The following SLITRK4 variants were observed in gnomAD, a reference collection of about 807,000 sequenced individuals.
SLITRK4 encodes the protein SLIT and NTRK like family member 4, also known as SLIT and NTRK-like protein 4.
In SLITRK4, 7 loss-of-function variants were observed where a neutral mutation model predicts 34.7. That is an observed-to-expected ratio of 0.20 (90% CI 0.11 to 0.38). SLITRK4 has a LOEUF of 0.38. Among genes scored for constraint, SLITRK4 ranks in the 10% least tolerant of loss-of-function variants. The probability of loss-of-function intolerance (pLI) is 1.00; values close to 1 mark genes in which losing one functional copy is unlikely to be tolerated. For missense variants in SLITRK4, 474 were observed against 607.0 expected (o/e 0.78, Z 2.30); for synonymous variants, 237 against 246.2 (o/e 0.96, Z 0.35).
Position 143,630,289 on chromosome X carries a change from T to G in SLITRK4, c.820A>C (p.Ile274Leu). 8.3e-7 allele frequency: 1 copy of G among 1,211,967 alleles called. No individual in the cohort carries two copies. Among genetic ancestry groups the G allele is most frequent in the Non-Finnish European group, 1.1e-6 (1 of 895,579 alleles). ...TTTTCCAGCTGAGATGGAGGCAGGATGCGCACGTCAAAATCACTGCCGGTG... is the reference window on the plus strand; with the variant it reads ...TTTTCCAGCTGAGATGGAGGCAGGAGGCGCACGTCAAAATCACTGCCGGTG... ...MGTGSDFDVR[I>L]LPPSQLENGY... Residue 274 changes from isoleucine (I) to leucine (L), a missense_variant, in exon 2 of 2, where the codon ATC becomes CTC. Ile to Leu is a conservative substitution (Grantham distance 5, BLOSUM62 2). Transcript: ENST00000356928.
At position 143,629,696 on chromosome X, in the gene SLITRK4, G is replaced by A. The variant is rs782464856; in HGVS notation, c.1413C>T (p.Ser471=). 11 of 1,209,439 alleles carry A rather than the reference G, an allele frequency of 9.1e-6. No homozygotes were observed. The African/African-American group carries it at 1.8e-4, about 19-fold the overall frequency. ...IKEISAGTFD[S]MPNLQLLYLN... ...AGTACAGTAACTGCAAATTTGGCATGGAGTCAAAGGTGCCTGCTGAGATTT... is the reference window on the plus strand; with the variant it reads ...AGTACAGTAACTGCAAATTTGGCATAGAGTCAAAGGTGCCTGCTGAGATTT... The change falls in exon 2 of 2, where the codon TCC becomes TCT. Residue 471 remains serine, a synonymous_variant. Coordinates refer to ENST00000356928, the MANE Select transcript of SLITRK4 (RefSeq NM_001184749.3).
Position 143,630,500 on chromosome X carries a change from G to A in SLITRK4, c.609C>T (p.Gly203=). 1 of 1,211,562 alleles carries A rather than the reference G, an allele frequency of 8.3e-7. No individual in the cohort carries two copies. The highest frequency in any genetic ancestry group is 1.8e-5 in the South Asian group (1 of 56,983). ...CTTCCAGTTGCAATTCAACGACACG[G>A]CCAATGTGTTCCAGAACCCCGATAT... ...LPYIGVLEHI[G]RVVELQLEDN... Residue 203 remains glycine (G), a synonymous_variant, in exon 2 of 2, where the codon GGC becomes GGT. Coordinates refer to ENST00000356928, the MANE Select transcript of SLITRK4 (RefSeq NM_001184749.3).
Position 143,629,927 on chromosome X carries a change from T to C in SLITRK4, c.1182A>G (p.Val394=), listed in dbSNP as rs1556427171. The C allele has an allele frequency of 8.3e-7, 1 of 1,212,007 alleles. No homozygotes were observed. Among genetic ancestry groups the C allele is most frequent in the Non-Finnish European group, 1.1e-6 (1 of 895,555 alleles). ...GTCCTTCAAAGTCAGTGAAGTCTGA[T>C]ACGTCCACATCCTTGATGCTATTGC... is the stretch of plus-strand genomic sequence containing the variant. The part of the protein sequence containing the change: ...VNGNSIKDVD[V]SDFTDFEGLD... Residue 394 remains valine (V), a synonymous_variant, in exon 2 of 2, where the codon GTA becomes GTG. Coordinates refer to ENST00000356928, the MANE Select transcript of SLITRK4 (RefSeq NM_001184749.3).
At position 143,629,861 on chromosome X, in the gene SLITRK4, A is replaced by C. The variant is rs781839773; in HGVS notation, c.1248T>G (p.Ile416Met). ...TGAGATTGTGAAATACGTCTCCCTT[A>C]ATCACTGTAATTTGATTGCTGCCTA... Reference protein sequence around the residue: ...LHLGSNQITVIKGDVFHNLTN... With the variant: ...LHLGSNQITVMKGDVFHNLTN... Residue 416 changes from isoleucine to methionine, a missense_variant, in exon 2 of 2, where the codon ATT becomes ATG. Transcript: ENST00000356928. The C allele has an allele frequency of 2.5e-6, 3 of 1,211,116 alleles. No homozygotes were observed. In the Admixed American group the frequency reaches 6.5e-5, roughly 26 times the overall value.
Position 143,633,770 on chromosome X carries a change from G to A in SLITRK4, c.-51+1965C>T, listed in dbSNP as rs374238989. Among the ~76,000 whole-genome samples the A allele has an allele frequency of 3.6e-5, 4 of 111,699 alleles. No individual in the cohort carries two copies. The East Asian group carries it at 8.7e-4, about 24-fold the overall frequency. ...GTGGAAGAGGTTCGCGGAGAGACCC[G>A]GCCATTGCCGCCCGGGTGCGCTACC... is the stretch of plus-strand genomic sequence containing the variant. On this transcript the variant is annotated intron_variant, in intron 1 of 1. Transcript: ENST00000356928.
chrX:143,627,280 T>G lies in SLITRK4; in HGVS notation c.*1315A>C, dbSNP rs1288832442. On this transcript the variant is annotated 3_prime_UTR_variant, in exon 2 of 2. Coordinates refer to ENST00000356928, the MANE Select transcript of SLITRK4 (RefSeq NM_001184749.3). Reference sequence around the variant, plus strand: ...ACCTTATTCATTATTTTTTAAATACTTGTAGCGAAAACTATTTGAATTAAG... The same window carrying G: ...ACCTTATTCATTATTTTTTAAATACGTGTAGCGAAAACTATTTGAATTAAG... 1 of 109,764 alleles carries G rather than the reference T, an allele frequency of 9.1e-6. No individual in the cohort carries two copies. The highest frequency in any genetic ancestry group is 3.3e-5 in the African/African-American group (1 of 30,228). 9.0% of individuals were successfully genotyped at this position (109,764 alleles called of 1,213,427 possible).
At chrX:143,631,191 G>T in intron 1 of SLITRK4, 33 bp from the exon 2 acceptor site, 1 of 777,087 alleles carries the variant, frequency 1.3e-6, no homozygotes, top group South Asian at 3.4e-5. Context: ...TTTTTCAATG[G>T]TCATTACTTG....
rs893158909 is a variant in SLITRK4, at chrX:143,627,657, G to A, written c.*938C>T. 6 of 110,869 alleles carry A rather than the reference G, an allele frequency of 5.4e-5. No homozygotes were observed. The highest frequency in any genetic ancestry group is 7.6e-5 in the Non-Finnish European group (4 of 52,892). The allele number at this position is 110,869 out of a possible 1,213,427, so 9.1% of individuals were successfully genotyped here. A position where few individuals can be genotyped will look rare whatever the true frequency, so the allele number is the denominator to read the frequency against. On this transcript the variant is annotated 3_prime_UTR_variant, in exon 2 of 2. Coordinates refer to ENST00000356928, the MANE Select transcript of SLITRK4 (RefSeq NM_001184749.3). ...TCAGGCATATTAAATACATATTAAG[G>A]AGTACATATTTTCCTATTTAGTATA...
chrX:143,629,937 T>C lies in SLITRK4; in HGVS notation c.1172A>G (p.Asp391Gly). The C allele has an allele frequency of 8.3e-7, 1 of 1,211,945 alleles. No homozygotes were observed. Among genetic ancestry groups the C allele is most frequent in the Non-Finnish European group, 1.1e-6 (1 of 895,545 alleles). ...KLHVNGNSIK[D>G]VDVSDFTDFE... is the part of the protein sequence containing the mutation. ...GTCAGTGAAGTCTGATACGTCCACA[T>C]CCTTGATGCTATTGCCATTGACGTG... Residue 391 changes from aspartate (D) to glycine (G), a missense_variant, in exon 2 of 2, where the codon GAT becomes GGT. By Grantham distance (94) the Asp-to-Gly change is moderately conservative. Around this residue, in one of 3 missense-constraint regions of SLITRK4, gnomAD observed 345 missense variants for 406.5 expected, o/e 0.85. Coordinates refer to ENST00000356928, the MANE Select transcript of SLITRK4 (RefSeq NM_001184749.3).
intron 1 of SLITRK4, among the ~76,000 whole-genome samples, chrX:143,635,531 G>GACAC (rs1569478848): frequency 3.1e-4 from 19 of 61,967 alleles, no homozygotes; most frequent in Admixed American, 3.0e-3. Context: ...CACACACACG[G>GACAC]GGCATTCCTT....
In SLITRK4 at chrX:143,630,611, C is replaced by A; in HGVS notation, c.498G>T (p.Leu166=). Residue 166 remains leucine (L), a synonymous_variant, in exon 2 of 2, where the codon CTG becomes CTT. Coordinates refer to ENST00000356928, the MANE Select transcript of SLITRK4 (RefSeq NM_001184749.3). The part of the protein sequence containing the change: ...KLKVLILNDN[L]ISFLPDNIFR... ...AAATATTATCAGGAAGGAATGAAAT[C>A]AGATTGTCATTAAGAATGAGAACTT... 8.3e-7 allele frequency: 1 copy of A among 1,211,208 alleles called. No individual in the cohort carries two copies. Among genetic ancestry groups the A allele is most frequent in the Non-Finnish European group, 1.1e-6 (1 of 895,089 alleles).
rs781927974 is a variant in SLITRK4 at position 143,629,546 on chromosome X, T to C, written c.1563A>G (p.Gln521=). Residue 521 remains glutamine (Q), a synonymous_variant, in exon 2 of 2, where the codon CAA becomes CAG. Coordinates refer to ENST00000356928, the MANE Select transcript of SLITRK4 (RefSeq NM_001184749.3). ...LPVSGVLDQL[Q]SLTQIDLEGN... ...CCTCCAAGTCAATCTGTGTAAGAGA[T>C]TGCAACTGATCAAGGACCCCGCTGA... The C allele has an allele frequency of 5.8e-6, 7 of 1,211,290 alleles. No individual in the cohort carries two copies. Among genetic ancestry groups the C allele is most frequent in the East Asian group, 3.0e-5 (1 of 33,790 alleles).
rs143940780 is a variant in SLITRK4, at chrX:143,630,578, G to A, written c.531C>T (p.Phe177=). ...GTATATCCAGATGGGTCAAAGATGCGAATCGGAAAATATTATCAGGAAGGA... is the reference window on the plus strand; with the variant it reads ...GTATATCCAGATGGGTCAAAGATGCAAATCGGAAAATATTATCAGGAAGGA... ...ISFLPDNIFR[F]ASLTHLDIRG... Residue 177 remains phenylalanine (F), a synonymous_variant, in exon 2 of 2, where the codon TTC becomes TTT. Coordinates refer to ENST00000356928, the MANE Select transcript of SLITRK4 (RefSeq NM_001184749.3). 3.5e-5 allele frequency: 42 copies of A among 1,209,440 alleles called. No individual in the cohort carries two copies. Among genetic ancestry groups the A allele is most frequent in the Non-Finnish European group, 4.2e-5 (38 of 895,097 alleles).
chrX:143,635,150 A>ACC (rs1473900031), intron 1 of SLITRK4: 1 of 12,774 alleles, frequency 7.8e-5, no homozygotes, highest in Admixed American at 9.5e-4. Flanking sequence ...CCCGCTCTCC[A>ACC]CCACCCCCCC....
At chrX:143,635,480 G>A (rs1556431112) in intron 1 of SLITRK4, among the ~76,000 whole-genome samples, 1 of 30,324 alleles carries the variant, frequency 3.3e-5, no homozygotes, top group Non-Finnish European at 7.2e-5. Context: ...AATAACGAAG[G>A]AACACACACA....
chrX:143,634,950 A>G (rs1366349822), intron 1 of SLITRK4: 1 of 108,626 alleles, frequency 9.2e-6, no homozygotes, highest in Non-Finnish European at 1.9e-5. Flanking sequence ...GATGGTATCT[A>G]TGTGATTCCG....
In SLITRK4 at chrX:143,623,788, T is replaced by G. The variant is rs1930700026; in HGVS notation, c.*4807A>C. ...TAAGTGAAGCCACAAACAGGATATT[T>G]TATTTTAGTTCAGCCCATCTGACCA... is the stretch of plus-strand genomic sequence containing the variant. On this transcript the variant is annotated 3_prime_UTR_variant, in exon 2 of 2. Coordinates refer to ENST00000356928, the MANE Select transcript of SLITRK4 (RefSeq NM_001184749.3). The G allele has an allele frequency of 9.0e-6, 1 of 111,375 alleles. No homozygotes were observed. Among genetic ancestry groups the G allele is most frequent in the African/African-American group, 3.3e-5 (1 of 30,718 alleles). The allele number at this position is 111,375 out of a possible 1,213,427, so 9.2% of individuals were successfully genotyped here.
Position 143,628,471 on chromosome X carries a change from G to T in SLITRK4, c.*124C>A. On this transcript the variant is annotated 3_prime_UTR_variant, in exon 2 of 2. Coordinates refer to ENST00000356928, the MANE Select transcript of SLITRK4 (RefSeq NM_001184749.3). ...ACACATCTTTGCAGCTACAGTTAAT[G>T]AGACACCCTTGGAAACACCTGCCTC... 2.0e-6 allele frequency: 1 copy of T among 504,013 alleles called. No individual in the cohort carries two copies. The allele number at this position is 504,013 out of a possible 1,213,427, so 41.5% of individuals were successfully genotyped here.
At position 143,628,091 on chromosome X, in the gene SLITRK4, C is replaced by CTTTTTTTTTTTTTTTTTTTTTTTT. The variant is rs782497461; in HGVS notation, c.*480_*503dup. 38 of 73,104 alleles carry CTTTTTTTTTTTTTTTTTTTTTTTT rather than the reference C, an allele frequency of 5.2e-4. 18 individuals are homozygous for CTTTTTTTTTTTTTTTTTTTTTTTT. The highest frequency in any genetic ancestry group is 2.5e-3 in the Admixed American group (6 of 2,401). The allele number at this position is 73,104 out of a possible 1,213,427, so 6.0% of individuals were successfully genotyped here. On this transcript the variant is annotated 3_prime_UTR_variant, in exon 2 of 2. Coordinates refer to ENST00000356928, the MANE Select transcript of SLITRK4 (RefSeq NM_001184749.3). The stretch of plus-strand genomic sequence containing the variant: ...CTATCGAGTGTTCTCTCTTTGCATG[C>CTTTTTTTTTTTTTTTTTTTTTTTT]TTTTTTTTTTTTTTTTTTTTTTTTT...
Sources: gnomAD v4.1 joint callset for allele counts (sites outside exome capture counted in the v4.1 genomes callset) on GRCh38, gnomAD v4.1.1 for gene constraint, gnomAD v4.1.1 regional missense constraint, MANE v1.5 for transcripts, NCBI Gene and HGNC (gene_info 2026-07-23, HGNC 2026-07-21) for gene names.